Variants in BCO1 observed in about 807,000 individuals in gnomAD.
BCO1 encodes the protein beta,beta-carotene 15,15'-dioxygenase.
Under a neutral mutation model 56.3 loss-of-function variants are expected in BCO1, and 54 were observed. The observed-to-expected ratio is 0.96, with a 90% confidence interval of 0.77 to 1.20. BCO1 has a LOEUF of 1.20. Among genes scored for constraint, BCO1 ranks in the 50% most tolerant of loss-of-function variants. BCO1 has a pLI of 0.00. For synonymous variants in BCO1, 318 were observed against 266.1 expected, an observed-to-expected ratio of 1.20 and a Z score of -1.90; for missense variants, 801 against 690.9, an observed-to-expected ratio of 1.16 and a Z score of -1.79.
rs1905877396 is a variant in BCO1, at chr16:81,252,604, CA to C, written c.193+7003del. Among the ~76,000 whole-genome samples, 2 of 152,172 alleles carry C rather than the reference CA, an allele frequency of 1.3e-5. 1 individual carries two copies. Among genetic ancestry groups the C allele is most frequent in the Admixed American group, 1.3e-4 (2 of 15,274 alleles). ...AACATTTCAGGTCAAGCACCTTAGCCAATGCCTTGTGGGTGGTGACTCCCAG... is the reference window on the plus strand; with the variant it reads ...AACATTTCAGGTCAAGCACCTTAGCCATGCCTTGTGGGTGGTGACTCCCAG... On this transcript the variant is annotated intron_variant, in intron 2 of 10. Transcript: ENST00000258168.
At chr16:81,290,055 G>C (rs1908377253) in intron 10 of BCO1, among the ~76,000 whole-genome samples, 1 of 152,140 alleles carries the variant, frequency 6.6e-6, no homozygotes, top group Admixed American at 6.5e-5. Flanking sequence ...GTAGAGATGG[G>C]GTTTCACCAC....
At position 81,248,595 on chromosome 16, in the gene BCO1, A is replaced by T. The variant is rs144228590; in HGVS notation, c.193+2992A>T. ...AGATTTTACTGTGACTCAGCTACAG[A>T]ATGGGTGGTTCCATATTTTGCTGAC... On this transcript the variant is annotated intron_variant, in intron 2 of 10. Coordinates refer to ENST00000258168, the MANE Select transcript of BCO1 (RefSeq NM_017429.3). 1.4e-4 allele frequency among the ~76,000 whole-genome samples: 21 copies of T among 152,216 alleles called. No individual in the cohort carries two copies. In the East Asian group the frequency reaches 4.1e-3, roughly 29 times the overall value.
At chr16:81,247,927 T>C (rs1156235861) in intron 2 of BCO1, among the ~76,000 whole-genome samples, 1 of 152,170 alleles carries the variant, frequency 6.6e-6, no homozygotes, top group African/African-American at 2.4e-5. Flanking sequence ...CTAGCTAACA[T>C]GCACCTAAAC....
chr16:81,282,199 C>T (rs1002491529), intron 8 of BCO1, among the ~76,000 whole-genome samples: 3 of 152,138 alleles, frequency 2.0e-5, no homozygotes, highest in South Asian at 2.1e-4. Flanking sequence ...GCCAACATGG[C>T]GAAAACACAT....
chr16:81,264,068 T>G, intron 4 of BCO1: 1 of 172,276 alleles, frequency 5.8e-6, no homozygotes, highest in Non-Finnish European at 1.3e-5. Context: ...GACTGCAGAG[T>G]GAGGGTCATT....
intron 2 of BCO1, among the ~76,000 whole-genome samples, chr16:81,247,122 A>G (rs1018873204): frequency 1.3e-5 from 2 of 152,174 alleles, no homozygotes; most frequent in African/African-American, 2.4e-5. Flanking sequence ...GAGGTCCAGG[A>G]TGGATTTAGC....
At chr16:81,262,421 A>C (rs1417076404) in intron 4 of BCO1, 138 bp downstream of exon 4, 2 of 863,868 alleles carry the variant, frequency 2.3e-6, no homozygotes, top group Non-Finnish European at 3.8e-6. Context: ...CCCGTGCCCT[A>C]GCGCCACACT....
intron 8 of BCO1, 131 bp from the exon 9 acceptor site, chr16:81,285,409 G>C: frequency 1.4e-6 from 1 of 730,592 alleles, no homozygotes; most frequent in Non-Finnish European, 2.5e-6. Context: ...TCCAATGCAG[G>C]CTCTAAATCA....
At chr16:81,284,449 T>G (rs1468097603) in intron 8 of BCO1, among the ~76,000 whole-genome samples, 1 of 152,076 alleles carries the variant, frequency 6.6e-6, no homozygotes, top group Admixed American at 6.6e-5. Flanking sequence ...TCCAAATTTT[T>G]TCTCTTCATT....
chr16:81,246,705 G>C (rs1028606814), intron 2 of BCO1, among the ~76,000 whole-genome samples: 1 of 151,926 alleles, frequency 6.6e-6, no homozygotes, highest in Non-Finnish European at 1.5e-5. Context: ...ACAAAAATTA[G>C]CTGGTCATAG....
At chr16:81,253,670 A>G (rs1905947590) in intron 2 of BCO1, among the ~76,000 whole-genome samples, 1 of 152,166 alleles carries the variant, frequency 6.6e-6, no homozygotes, top group African/African-American at 2.4e-5. Context: ...CCCTACAGAA[A>G]TATCTCAGTG....
intron 10 of BCO1, 58 bp from the exon 11 acceptor site, chr16:81,290,290 C>T: frequency 7.2e-7 from 1 of 1,388,108 alleles, no homozygotes; most frequent in African/African-American, 1.4e-5. Flanking sequence ...CTGAGAAATT[C>T]ATCCCTCCGA....
intron 9 of BCO1, among the ~76,000 whole-genome samples, chr16:81,286,303 A>T (rs1908176074): frequency 6.6e-6 from 1 of 152,144 alleles, no homozygotes; most frequent in Non-Finnish European, 1.5e-5. Context: ...TAAAATGGAA[A>T]ATCTTTTTTT....
intron 8 of BCO1, among the ~76,000 whole-genome samples, chr16:81,282,440 C>A (rs1235181635): frequency 6.6e-6 from 1 of 152,118 alleles, no homozygotes; most frequent in East Asian, 1.9e-4. Context: ...CCATCAGCTG[C>A]CCCATGCCAG....
chr16:81,252,034 G>C (rs935157700), intron 2 of BCO1, among the ~76,000 whole-genome samples: 1 of 151,856 alleles, frequency 6.6e-6, no homozygotes, highest in Non-Finnish European at 1.5e-5. Context: ...CAGACTGCTG[G>C]GGAATGCATG....
chr16:81,259,640 C>T (rs767214790), intron 2 of BCO1, 36 bp from the exon 3 acceptor site: 25 of 1,613,928 alleles, frequency 1.5e-5, no homozygotes, highest in Middle Eastern at 1.6e-4. Context: ...CCTGTGAAGG[C>T]GTCAGCCTGA....
rs758890015 is a variant in BCO1, at chr16:81,287,364, C to A, written c.1372C>A (p.Pro458Thr). The A allele has an allele frequency of 3.7e-6, 6 of 1,614,008 alleles. No individual in the cohort carries two copies. The highest frequency in any genetic ancestry group is 5.1e-6 in the Non-Finnish European group (6 of 1,180,024). ...AGAGGACGACTGCTGGCCAGCGGAA[C>A]CCCTGTTTGTGCCCGCGCCAGGTGC... ...WREDDCWPAEPLFVPAPGAKD... is the reference protein window; with the variant it reads ...WREDDCWPAETLFVPAPGAKD... The change falls in exon 10 of 11, where the codon CCC becomes ACC. Residue 458 changes from proline (P) to threonine (T), a missense_variant. Physicochemically the swap from Pro to Thr is conservative, Grantham distance 38. Transcript: ENST00000258168.
intron 1 of BCO1, among the ~76,000 whole-genome samples, chr16:81,239,989 C>A (rs372894830): frequency 6.6e-6 from 1 of 152,008 alleles, no homozygotes; most frequent in African/African-American, 2.4e-5. Context: ...AAGGAGAGGA[C>A]AACTGTGAGT....
At chr16:81,288,155 A>T (rs1908287753) in intron 10 of BCO1, among the ~76,000 whole-genome samples, 1 of 152,128 alleles carries the variant, frequency 6.6e-6, no homozygotes, top group South Asian at 2.1e-4. Context: ...CTCTTTAGAC[A>T]AGTTTAAGTT....
Sources: allele counts gnomAD v4.1 joint callset (sites outside exome capture counted in the v4.1 genomes callset), GRCh38; gene constraint gnomAD v4.1.1; transcripts MANE v1.5; gene names NCBI Gene and HGNC (gene_info 2026-07-23, HGNC 2026-07-21).